SPIRE1: variants seen among roughly 807,000 people sequenced by gnomAD.
SPIRE1 encodes the protein spire type actin nucleation factor 1, also known as protein spire homolog 1.
In SPIRE1, 40 loss-of-function variants were observed where a neutral mutation model predicts 94.1. The observed-to-expected ratio is 0.43, with a 90% confidence interval of 0.33 to 0.55. SPIRE1 has a LOEUF of 0.55. Among genes scored for constraint, SPIRE1 ranks in the 20% least tolerant of loss-of-function variants. The probability of loss-of-function intolerance (pLI) is 0.06; values close to 1 mark genes in which losing one functional copy is unlikely to be tolerated. For missense variants in SPIRE1, 838 were observed against 975.2 expected (o/e 0.86, Z 1.87); for synonymous variants, 376 against 371.7 (o/e 1.01, Z -0.13).
intron 1 of SPIRE1, among the ~76,000 whole-genome samples, chr18:12,648,890 C>CAA (rs56696562): frequency 1.2e-3 from 105 of 85,424 alleles, no homozygotes; most frequent in East Asian, 1.7e-3. Context: ...AACTCCGTCT[C>CAA]AAAAAAAAAA....
intron 2 of SPIRE1, among the ~76,000 whole-genome samples, chr18:12,613,900 CAAT>C (rs1049585846): frequency 6.6e-6 from 1 of 152,010 alleles, no homozygotes; most frequent in Non-Finnish European, 1.5e-5. Context: ...TCAAAAAAAA[CAAT>C]AATAATTTTC....
chr18:12,472,186 C>T (rs1354904136), intron 10 of SPIRE1, among the ~76,000 whole-genome samples: 1 of 152,036 alleles, frequency 6.6e-6, no homozygotes, highest in Non-Finnish European at 1.5e-5. Flanking sequence ...GGCATGGTGG[C>T]TCATGCCTGT....
Position 12,545,123 on chromosome 18 carries a change from G to A in SPIRE1, c.603+1551C>T, listed in dbSNP as rs140180214. On this transcript the variant is annotated intron_variant, in intron 3 of 16. Transcript: ENST00000409402. ...TCCACAGAACAAGCTGGTCATTTGT[G>A]GTCTGCAGAAAGTTTAATTGGCCTT... 1.1e-4 allele frequency among the ~76,000 whole-genome samples: 16 copies of A among 152,168 alleles called. No individual in the cohort carries two copies. The East Asian group carries it at 2.9e-3, about 27-fold the overall frequency.
At chr18:12,585,242 T>C (rs2036364236) in intron 2 of SPIRE1, among the ~76,000 whole-genome samples, 1 of 152,190 alleles carries the variant, frequency 6.6e-6, no homozygotes, top group South Asian at 2.1e-4. Context: ...TTGTGTGACA[T>C]ACAGAATATT....
intron 2 of SPIRE1, among the ~76,000 whole-genome samples, chr18:12,576,379 C>T (rs1205299605): frequency 6.6e-6 from 1 of 151,782 alleles, no homozygotes; most frequent in Admixed American, 6.6e-5. Context: ...GGGTGAAACT[C>T]AAGACCAGCC....
rs549704681 is a variant in SPIRE1, at chr18:12,447,063, C to T, written c.*2575G>A. On this transcript the variant is annotated 3_prime_UTR_variant, in exon 17 of 17. Transcript: ENST00000409402. Reference sequence around the variant, plus strand: ...CAGTATTTACAAGCATTCTTATACACTCCGACACTGACAGGGAGTTAAGCC... The same window carrying T: ...CAGTATTTACAAGCATTCTTATACATTCCGACACTGACAGGGAGTTAAGCC... The T allele has an allele frequency of 1.3e-4, 20 of 152,264 alleles. No individual in the cohort carries two copies. Among genetic ancestry groups the T allele is most frequent in the African/African-American group, 4.1e-4 (17 of 41,542 alleles). The allele number at this position is 152,264 out of a possible 1,614,324, so 9.4% of individuals were successfully genotyped here. A position where few individuals can be genotyped will look rare whatever the true frequency, so the allele number is the denominator to read the frequency against.
chr18:12,649,231 T>C (rs546971646), intron 1 of SPIRE1, among the ~76,000 whole-genome samples: 1 of 152,024 alleles, frequency 6.6e-6, no homozygotes, highest in African/African-American at 2.4e-5. Flanking sequence ...GGGCAACATT[T>C]TTCTCCACTA....
intron 2 of SPIRE1, among the ~76,000 whole-genome samples, chr18:12,567,413 T>C (rs79998152): frequency 0.082 from 12,418 of 152,314 alleles, 650 homozygotes; most frequent in Middle Eastern, 0.16. Flanking sequence ...ACAGATTCAA[T>C]GCAATCCAAA....
chr18:12,530,446 C>T (rs1175559542), intron 4 of SPIRE1, among the ~76,000 whole-genome samples: 5 of 152,128 alleles, frequency 3.3e-5, no homozygotes, highest in Non-Finnish European at 7.4e-5. Flanking sequence ...TCATAGTTCA[C>T]TGCAGCCTTA....
chr18:12,480,879 C>T (rs1264562425), intron 9 of SPIRE1, among the ~76,000 whole-genome samples: 2 of 152,190 alleles, frequency 1.3e-5, no homozygotes, highest in Non-Finnish European at 2.9e-5. Flanking sequence ...GCAGTTACCG[C>T]ATGATGTAAT....
At chr18:12,552,743 C>A (rs145105247) in intron 2 of SPIRE1, among the ~76,000 whole-genome samples, 1 of 152,094 alleles carries the variant, frequency 6.6e-6, no homozygotes, top group African/African-American at 2.4e-5. Flanking sequence ...AACCCTCTCA[C>A]GTGGACCCCC....
intron 2 of SPIRE1, among the ~76,000 whole-genome samples, chr18:12,633,529 T>C (rs868678362): frequency 6.6e-6 from 1 of 151,694 alleles, no homozygotes; most frequent in Non-Finnish European, 1.5e-5. Context: ...TGAGCCAAGA[T>C]TGTGCCACTG....
chr18:12,624,474 C>T (rs962210677), intron 2 of SPIRE1, among the ~76,000 whole-genome samples: 28 of 137,500 alleles, frequency 2.0e-4, no homozygotes, highest in Non-Finnish European at 4.0e-4. Flanking sequence ...ACCCAGGAGG[C>T]GGGGGTTGCA....
At chr18:12,592,345 T>A (rs1212990829) in intron 2 of SPIRE1, among the ~76,000 whole-genome samples, 1 of 152,242 alleles carries the variant, frequency 6.6e-6, no homozygotes, top group Non-Finnish European at 1.5e-5. Context: ...TAATGTAATA[T>A]CACATTTTAG....
intron 2 of SPIRE1, among the ~76,000 whole-genome samples, chr18:12,612,256 C>T (rs142921878): frequency 6.6e-6 from 1 of 152,300 alleles, no homozygotes; most frequent in African/African-American, 2.4e-5. Flanking sequence ...ACTTGGCTTC[C>T]TGGAGAAAAC....
intron 12 of SPIRE1, among the ~76,000 whole-genome samples, chr18:12,461,439 T>TATGTAC: frequency 1.9e-5 from 1 of 52,182 alleles, no homozygotes; most frequent in Middle Eastern, 0.012. Context: ...TATGTATGTA[T>TATGTAC]ATACATACAT....
chr18:12,648,659 G>A (rs2038290970), intron 1 of SPIRE1, among the ~76,000 whole-genome samples: 1 of 152,088 alleles, frequency 6.6e-6, no homozygotes, highest in South Asian at 2.1e-4. Flanking sequence ...GGAGGCCGAG[G>A]CGGACAGATC....
intron 1 of SPIRE1, chr18:12,656,717 C>A (rs1050770706): frequency 1.0e-6 from 1 of 979,290 alleles, no homozygotes; most frequent in African/African-American, 1.7e-5. Flanking sequence ...TCCTCCTCTT[C>A]AATGAGCATC....
At chr18:12,557,612 A>G (rs1163420945) in intron 2 of SPIRE1, among the ~76,000 whole-genome samples, 1 of 152,168 alleles carries the variant, frequency 6.6e-6, no homozygotes, top group Non-Finnish European at 1.5e-5. Context: ...GGCAGGCTGA[A>G]GGGCTCCTCA....
Sources: allele counts gnomAD v4.1 joint callset (sites outside exome capture counted in the v4.1 genomes callset), GRCh38; gene constraint gnomAD v4.1.1; transcripts MANE v1.5; gene names NCBI Gene and HGNC (gene_info 2026-07-23, HGNC 2026-07-21).